TINAG: variants seen among roughly 807,000 people sequenced by gnomAD.
The protein encoded by TINAG is tubulointerstitial nephritis antigen.
A neutral mutation model predicts 72.7 loss-of-function variants in TINAG; 83 were observed. The observed-to-expected ratio is 1.14, with a 90% CI of 0.96 to 1.37. The LOEUF is 1.37. Ranked by LOEUF, TINAG falls within the 40% of genes most tolerant of loss-of-function variation. The pLI is 0.00. For missense variants in TINAG, 685 were observed against 576.6 expected, an observed-to-expected ratio of 1.19 and a Z score of -1.93; for synonymous variants, 234 against 189.9, an observed-to-expected ratio of 1.23 and a Z score of -1.91.
intron 4 of TINAG, among the ~76,000 whole-genome samples, chr6:54,339,712 C>G (rs1238958308): frequency 1.3e-5 from 2 of 152,174 alleles, no homozygotes; most frequent in Non-Finnish European, 2.9e-5. Context: ...ATGAGAAATT[C>G]ATTTAGCCAT....
rs747370936 is a variant in TINAG, at chr6:54,354,543, A to G, written c.1157A>G (p.His386Arg). The G allele has an allele frequency of 1.5e-5, 24 of 1,607,476 alleles. No individual in the cohort carries two copies. In the Admixed American group the frequency reaches 1.9e-4, roughly 12 times the overall value. The change falls in exon 9 of 11, where the codon CAT (histidine) becomes CGT (arginine). Residue 386 changes from histidine to arginine, a missense_variant. Coordinates refer to ENST00000259782, the MANE Select transcript of TINAG (RefSeq NM_014464.4). ...ATGCAAGTCCGTGAAGATTTCTTCC[A>G]TTATAAGACAGGGATATACAGACAT... The part of the protein sequence containing the change: ...AIMQVREDFF[H>R]YKTGIYRHVT...
chr6:54,331,287 G>A (rs570284917), intron 4 of TINAG, among the ~76,000 whole-genome samples: 6 of 152,184 alleles, frequency 3.9e-5, no homozygotes, highest in Non-Finnish European at 8.8e-5. Flanking sequence ...TCCCTGGGAT[G>A]CAAGGCTGCT....
chr6:54,371,434 A>G (rs1278620187), intron 9 of TINAG, among the ~76,000 whole-genome samples: 1 of 151,880 alleles, frequency 6.6e-6, no homozygotes, highest in African/African-American at 2.4e-5. Flanking sequence ...TAAAATTCAA[A>G]CGTTCTTTAA....
intron 9 of TINAG, among the ~76,000 whole-genome samples, chr6:54,368,456 T>A (rs1278580832): frequency 1.3e-5 from 2 of 150,342 alleles, no homozygotes; most frequent in Admixed American, 1.3e-4. Flanking sequence ...TGATGTGTGG[T>A]GAAGATCTAA....
chr6:54,320,612 G>T lies in TINAG; in HGVS notation c.389G>T (p.Gly130Val), dbSNP rs1041384899. The change falls in exon 2 of 11, where the codon GGA (glycine) becomes GTA (valine). Residue 130 changes from glycine to valine, a missense_variant. Coordinates refer to ENST00000259782, the MANE Select transcript of TINAG (RefSeq NM_014464.4). ...AAAGATGGTCAACATTATGAAGAGG[G>T]ATCAGTAATTAAAGAAAACTGCAAC... is the stretch of plus-strand genomic sequence containing the variant. Reference protein sequence around the residue: ...CFKDGQHYEEGSVIKENCNSC... With the variant: ...CFKDGQHYEEVSVIKENCNSC... The T allele has an allele frequency of 1.9e-6, 3 of 1,607,876 alleles. No individual in the cohort carries two copies. The African/African-American group carries it at 4.0e-5, about 21-fold the overall frequency.
chr6:54,359,456 C>G (rs1174881189), intron 9 of TINAG, among the ~76,000 whole-genome samples: 1 of 151,730 alleles, frequency 6.6e-6, no homozygotes, highest in Non-Finnish European at 1.5e-5. Context: ...TAGAACTGAC[C>G]ATTTATAACT....
chr6:54,370,816 G>C lies in TINAG; in HGVS notation c.1251-9710G>C, dbSNP rs1365337186. Among the ~76,000 whole-genome samples, 3 of 151,940 alleles carry C rather than the reference G, an allele frequency of 2.0e-5. No individual in the cohort carries two copies. The East Asian group carries it at 5.8e-4, about 29-fold the overall frequency. ...AGTGCTGATTGAATCATGTTGCCTT[G>C]TCTGTCAGTACTGAATCAACTTGAC... On this transcript the variant is annotated intron_variant, in intron 9 of 10. Transcript: ENST00000259782.
intron 5 of TINAG, among the ~76,000 whole-genome samples, chr6:54,344,440 C>T (rs947779340): frequency 2.6e-5 from 4 of 152,028 alleles, no homozygotes; most frequent in Non-Finnish European, 1.5e-5. Flanking sequence ...CCTTTCTGAG[C>T]TAAAATTTGT....
chr6:54,314,223 A>T (rs1784322177), intron 1 of TINAG, among the ~76,000 whole-genome samples: 1 of 152,128 alleles, frequency 6.6e-6, no homozygotes, highest in Non-Finnish European at 1.5e-5. Flanking sequence ...AACACATAAG[A>T]TATTTTGCCT....
intron 3 of TINAG, among the ~76,000 whole-genome samples, chr6:54,324,022 A>G (rs1157888530): frequency 6.6e-6 from 1 of 152,184 alleles, no homozygotes; most frequent in Non-Finnish European, 1.5e-5. Context: ...AGCCAACACT[A>G]TCATATCTTT....
At chr6:54,353,688 A>C (rs567799473) in intron 8 of TINAG, among the ~76,000 whole-genome samples, 1 of 151,950 alleles carries the variant, frequency 6.6e-6, no homozygotes, top group East Asian at 1.9e-4. Context: ...TTAACTTTGG[A>C]GTATAAGCTT....
chr6:54,368,206 T>C (rs1455846654), intron 9 of TINAG, among the ~76,000 whole-genome samples: 1 of 148,616 alleles, frequency 6.7e-6, no homozygotes, highest in East Asian at 2.0e-4. Context: ...AAAAGTTATA[T>C]ATTATACTAA....
chr6:54,369,811 A>G (rs1392205097), intron 9 of TINAG: 1 of 152,080 alleles, frequency 6.6e-6, no homozygotes, highest in East Asian at 1.9e-4. Context: ...AGATTAAGTA[A>G]ATGATTATAG....
At chr6:54,308,339 TA>T (rs1784157926), upstream of TINAG, 2 of 636,140 alleles carry the variant, frequency 3.1e-6, no homozygotes, top group Non-Finnish European at 5.4e-6. Context: ...GGAATAACAA[TA>T]GTTTATTTCT....
intron 1 of TINAG, among the ~76,000 whole-genome samples, chr6:54,311,166 G>T (rs547512572): frequency 1.8e-4 from 27 of 152,150 alleles, no homozygotes; most frequent in Non-Finnish European, 2.5e-4. Flanking sequence ...ACCTCATTCT[G>T]TTTCTTGATT....
intron 9 of TINAG, among the ~76,000 whole-genome samples, chr6:54,375,623 C>T (rs1323009580): frequency 6.6e-6 from 1 of 152,112 alleles, no homozygotes; most frequent in Non-Finnish European, 1.5e-5. Context: ...CTCATTTATT[C>T]CCTCTGCCAA....
upstream of TINAG, chr6:54,307,908 C>A (rs1784150184): frequency 2.5e-6 from 2 of 804,816 alleles, no homozygotes; most frequent in Non-Finnish European, 4.0e-6. Context: ...CTAAGGTCAC[C>A]CTCAGGGAAT....
rs9464056 is a variant in TINAG, at chr6:54,348,088, G to T, written c.899+571G>T. ...TCTATAAGAGCTGATCTGCTAAAAA[G>T]CTGAGTTATTCAGCTAAGGAAGCTG... is the stretch of plus-strand genomic sequence containing the variant. On this transcript the variant is annotated intron_variant, in intron 6 of 10. Coordinates refer to ENST00000259782, the MANE Select transcript of TINAG (RefSeq NM_014464.4). Among the ~76,000 whole-genome samples, 1,413 of 152,120 alleles carry T rather than the reference G, an allele frequency of 9.3e-3. 20 individuals are homozygous for T. The highest frequency in any genetic ancestry group is 0.032 in the African/African-American group (1,345 of 41,502).
In TINAG at chr6:54,308,811, T is replaced by A; in HGVS notation, c.261T>A (p.Cys87Ter). The change falls in exon 1 of 11, where the codon TGT (cysteine) becomes TGA (stop). Residue 87 changes from cysteine (C) to a stop codon, truncating the protein, a stop_gained. Transcript: ENST00000259782. LOFTEE classifies it high-confidence loss of function. ...CGTTGTGCTACTGTGATAAATTCTG[T>A]GACAGAGAAAATTCTGATTGCTGTC... is the stretch of plus-strand genomic sequence containing the variant. Reference protein sequence around the residue: ...ANALCYCDKFCDRENSDCCPD... With the variant: ...ANALCYCDKF 1 of 1,613,852 alleles carries A rather than the reference T, an allele frequency of 6.2e-7. No homozygotes were observed. The highest frequency in any genetic ancestry group is 8.5e-7 in the Non-Finnish European group (1 of 1,179,890).
Sources: allele counts gnomAD v4.1 joint callset (sites outside exome capture counted in the v4.1 genomes callset), GRCh38; gene constraint gnomAD v4.1.1; transcripts MANE v1.5; gene names NCBI Gene and HGNC (gene_info 2026-07-23, HGNC 2026-07-21).